Variants in CHRM3 observed in about 807,000 individuals in gnomAD.
CHRM3 encodes the protein muscarinic acetylcholine receptor M3.
A neutral mutation model predicts 41.8 loss-of-function variants in CHRM3; 11 were observed. The ratio of observed to expected loss-of-function variants is 0.26; its 90% CI spans 0.17 to 0.44. The LOEUF (loss-of-function observed/expected upper bound fraction) is 0.44. Ranked by LOEUF, CHRM3 falls within the 20% of genes least tolerant of loss-of-function variation. The probability of loss-of-function intolerance (pLI) is 1.00; values close to 1 mark genes in which losing one functional copy is unlikely to be tolerated. For missense variants in CHRM3, 571 were observed against 745.4 expected, an observed-to-expected ratio of 0.77 and a Z score of 2.72; for synonymous variants, 297 against 301.4, an observed-to-expected ratio of 0.99 and a Z score of 0.15.
intron 6 of CHRM3, among the ~76,000 whole-genome samples, chr1:239,882,884 GA>G (rs1677764066): frequency 6.6e-6 from 1 of 152,226 alleles, no homozygotes; most frequent in South Asian, 2.1e-4. Context: ...AACCTATGAA[GA>G]AGTGAAATTG....
intron 1 of CHRM3, among the ~76,000 whole-genome samples, chr1:239,465,597 C>A (rs1665665194): frequency 6.6e-6 from 1 of 151,996 alleles, no homozygotes; most frequent in African/African-American, 2.4e-5. Context: ...GTCGGGTTTG[C>A]CTTCTCTTCC....
At chr1:239,464,835 G>A (rs183565115) in intron 1 of CHRM3, among the ~76,000 whole-genome samples, 2,420 of 152,122 alleles carry the variant, frequency 0.016, 24 homozygotes, top group Non-Finnish European at 0.024. Flanking sequence ...TTTTATTAAA[G>A]AAAGGACTGT....
At chr1:239,579,275 C>G (rs1304840223) in intron 3 of CHRM3, among the ~76,000 whole-genome samples, 2 of 152,160 alleles carry the variant, frequency 1.3e-5, no homozygotes, top group African/African-American at 4.8e-5. Context: ...TTTCATTAAA[C>G]ACACACTGGT....
chr1:239,730,141 G>A (rs1663826380), intron 5 of CHRM3, among the ~76,000 whole-genome samples: 1 of 151,904 alleles, frequency 6.6e-6, no homozygotes, highest in South Asian at 2.1e-4. Flanking sequence ...ACAAAAATAT[G>A]TAAATTTAAA....
intron 2 of CHRM3, among the ~76,000 whole-genome samples, chr1:239,527,213 AT>A (rs766734918): frequency 1.3e-5 from 2 of 152,310 alleles, no homozygotes; most frequent in Non-Finnish European, 2.9e-5. Context: ...CAGTTACTGT[AT>A]TTATCCCCAG....
chr1:239,441,911 G>A (rs1663753087), intron 1 of CHRM3, among the ~76,000 whole-genome samples: 2 of 152,092 alleles, frequency 1.3e-5, no homozygotes, highest in South Asian at 4.1e-4. Flanking sequence ...GTCTTTGATA[G>A]CAAATATATG....
At chr1:239,449,801 G>C (rs1451291213) in intron 1 of CHRM3, among the ~76,000 whole-genome samples, 1 of 151,804 alleles carries the variant, frequency 6.6e-6, no homozygotes, top group East Asian at 1.9e-4. Flanking sequence ...TTGTATCATA[G>C]AGGCAGTGTA....
At chr1:239,896,552 G>C (rs976001262) in intron 6 of CHRM3, among the ~76,000 whole-genome samples, 3 of 152,188 alleles carry the variant, frequency 2.0e-5, no homozygotes, top group Non-Finnish European at 4.4e-5. Context: ...TTCTTGAAGA[G>C]ATGTGGAGTT....
rs187194730 is a variant in CHRM3, at chr1:239,865,746, G to A, written c.-20+38368G>A. Among the ~76,000 whole-genome samples, 625 of 152,292 alleles carry A rather than the reference G, an allele frequency of 4.1e-3. 7 individuals carry two copies. Among genetic ancestry groups the A allele is most frequent in the Non-Finnish European group, 4.9e-3 (333 of 68,018 alleles). ...TTTGGACCAGGCTTGAGGGAGCTGC[G>A]TTTTAAGAAGTGACATGATCAAAAC... On this transcript the variant is annotated intron_variant, in intron 6 of 6. Transcript: ENST00000676153.
At chr1:239,613,231 C>T (rs1421279879) in intron 3 of CHRM3, among the ~76,000 whole-genome samples, 2 of 152,152 alleles carry the variant, frequency 1.3e-5, no homozygotes, top group African/African-American at 2.4e-5. Flanking sequence ...GAACAGATTG[C>T]ATGTAGGGTG....
intron 6 of CHRM3, among the ~76,000 whole-genome samples, chr1:239,857,458 GA>G (rs1411117041): frequency 6.6e-6 from 1 of 152,000 alleles, no homozygotes; most frequent in Non-Finnish European, 1.5e-5. Flanking sequence ...TTTGAAGGAT[GA>G]AAAAAATATG....
At chr1:239,743,788 CTTTTTT>C (rs10718514) in intron 5 of CHRM3, among the ~76,000 whole-genome samples, 3 of 81,202 alleles carry the variant, frequency 3.7e-5, no homozygotes, top group Admixed American at 1.5e-4. Flanking sequence ...TTTTTTTTTT[CTTTTTT>C]TTTTTTTTTT....
At chr1:239,703,753 A>G (rs1660893860) in intron 5 of CHRM3, 2 of 152,112 alleles carry the variant, frequency 1.3e-5, no homozygotes, top group Admixed American at 6.6e-5. Flanking sequence ...TTACTTGAAC[A>G]CCCACTCTGT....
intron 1 of CHRM3, among the ~76,000 whole-genome samples, chr1:239,453,236 G>A (rs1487005274): frequency 6.6e-6 from 1 of 152,182 alleles, no homozygotes; most frequent in African/African-American, 2.4e-5. Context: ...TTATATTTCA[G>A]TTTTACTTCC....
rs928693010 is a variant in CHRM3 at position 239,647,674 on chromosome 1, G to C, written c.-250+15388G>C. 2.6e-5 allele frequency among the ~76,000 whole-genome samples: 4 copies of C among 152,106 alleles called. 1 individual carries two copies. The highest frequency in any genetic ancestry group is 2.6e-4 in the Admixed American group (4 of 15,260). Reference sequence around the variant, plus strand: ...ATCTCCAGCTGGACAGCTCCACATGGGTTTTCATCCTATACTTCCAAAACC... The same window carrying C: ...ATCTCCAGCTGGACAGCTCCACATGCGTTTTCATCCTATACTTCCAAAACC... On this transcript the variant is annotated intron_variant, in intron 4 of 6. Transcript: ENST00000676153.
chr1:239,586,821 A>G (rs1323669158), intron 3 of CHRM3, among the ~76,000 whole-genome samples: 1 of 152,154 alleles, frequency 6.6e-6, no homozygotes, highest in Non-Finnish European at 1.5e-5. Context: ...ATTGATACTA[A>G]AAGTTTGGAT....
chr1:239,830,954 T>G (rs562318865), intron 6 of CHRM3, among the ~76,000 whole-genome samples: 1 of 152,264 alleles, frequency 6.6e-6, no homozygotes, highest in Non-Finnish European at 1.5e-5. Flanking sequence ...CCCCTATTCA[T>G]TCCATGAGAT....
At chr1:239,458,000 C>T (rs1012740066) in intron 1 of CHRM3, among the ~76,000 whole-genome samples, 4 of 151,760 alleles carry the variant, frequency 2.6e-5, no homozygotes, top group African/African-American at 4.8e-5. Context: ...TCAGTTATGC[C>T]GTACTTGTGT....
At position 239,722,870 on chromosome 1, in the gene CHRM3, T is replaced by C. The variant is rs1000539025; in HGVS notation, c.-147+44582T>C. On this transcript the variant is annotated intron_variant, in intron 5 of 6. Transcript: ENST00000676153. ...CATTGTTAACACATTCCAGGGTAAATATGAACATGTATCAACTAGGGAATA... is the reference window on the plus strand; with the variant it reads ...CATTGTTAACACATTCCAGGGTAAACATGAACATGTATCAACTAGGGAATA... 4.6e-5 allele frequency among the ~76,000 whole-genome samples: 7 copies of C among 151,872 alleles called. No homozygotes were observed. The East Asian group carries it at 7.8e-4, about 17-fold the overall frequency.
Sources: allele counts gnomAD v4.1 joint callset (sites outside exome capture counted in the v4.1 genomes callset), GRCh38; gene constraint gnomAD v4.1.1; transcripts MANE v1.5; gene names NCBI Gene and HGNC (gene_info 2026-07-23, HGNC 2026-07-21).